Variants in DPP10 observed in about 807,000 individuals in gnomAD.
The protein encoded by DPP10 is dipeptidyl peptidase like 10.
Under a neutral mutation model 120.9 loss-of-function variants are expected in DPP10, and 33 were observed. The observed-to-expected ratio is 0.27, with a 90% CI of 0.21 to 0.37. The LOEUF (loss-of-function observed/expected upper bound fraction) is 0.37, where lower values mean the gene tolerates loss of function less well. Ranked by LOEUF, DPP10 falls within the 10% of genes least tolerant of loss-of-function variation. The probability of loss-of-function intolerance (pLI) is 1.00; values close to 1 mark genes in which losing one functional copy is unlikely to be tolerated. For missense variants in DPP10, 816 were observed against 942.8 expected (o/e 0.87, Z 1.76); for synonymous variants, 337 against 326.1 (o/e 1.03, Z -0.36).
chr2:115,380,977 C>A (rs1296000161), intron 3 of DPP10, among the ~76,000 whole-genome samples: 1 of 152,144 alleles, frequency 6.6e-6, no homozygotes, highest in Non-Finnish European at 1.5e-5. Flanking sequence ...TCTCTGGCTG[C>A]CCTTAACATT....
chr2:115,347,817 C>CT (rs2063785179), intron 3 of DPP10, among the ~76,000 whole-genome samples: 1 of 152,176 alleles, frequency 6.6e-6, no homozygotes, highest in African/African-American at 2.4e-5. Flanking sequence ...TGAACTCATC[C>CT]TTTTTTGTGG....
chr2:115,794,529 C>T (rs1420964361), intron 19 of DPP10, among the ~76,000 whole-genome samples: 2 of 152,078 alleles, frequency 1.3e-5, no homozygotes, highest in African/African-American at 2.4e-5. Flanking sequence ...AAAGAGTATG[C>T]GGGATGGAGT....
At chr2:114,450,621 C>T (rs576360957) in intron 1 of DPP10, among the ~76,000 whole-genome samples, 2 of 152,012 alleles carry the variant, frequency 1.3e-5, no homozygotes, top group Non-Finnish European at 2.9e-5. Flanking sequence ...AGAACTAAAC[C>T]TGTTACTTTG....
At chr2:115,651,704 A>T (rs144731350) in intron 5 of DPP10, among the ~76,000 whole-genome samples, 15 of 152,152 alleles carry the variant, frequency 9.9e-5, no homozygotes, top group African/African-American at 3.4e-4. Context: ...GGGACTGGAA[A>T]AGGAAAAGAT....
intron 1 of DPP10, among the ~76,000 whole-genome samples, chr2:115,231,643 A>T (rs916535108): frequency 6.6e-6 from 1 of 152,178 alleles, no homozygotes; most frequent in Admixed American, 6.5e-5. Flanking sequence ...CATCACTGGG[A>T]TGCAATGAAT....
chr2:115,077,612 G>T (rs975895438), intron 1 of DPP10, among the ~76,000 whole-genome samples: 1 of 152,140 alleles, frequency 6.6e-6, no homozygotes, highest in Non-Finnish European at 1.5e-5. Context: ...TCCTAAAGAG[G>T]TGAAATGCCT....
chr2:114,946,414 GTGAAAATATGTAACACTAC>G (rs1697350027), intron 1 of DPP10, among the ~76,000 whole-genome samples: 1 of 152,052 alleles, frequency 6.6e-6, no homozygotes, highest in African/African-American at 2.4e-5. Context: ...GTTTTACAAT[GTGAAAATATGTAACACTAC>G]TAATTTATAC....
At chr2:115,704,130 C>T (rs1427748575) in intron 7 of DPP10, among the ~76,000 whole-genome samples, 1 of 151,854 alleles carries the variant, frequency 6.6e-6, no homozygotes, top group East Asian at 1.9e-4. Context: ...GCCACTCCAG[C>T]ACAGAGCACA....
chr2:115,107,935 C>G (rs946980896), intron 1 of DPP10, among the ~76,000 whole-genome samples: 1 of 151,742 alleles, frequency 6.6e-6, no homozygotes, highest in Non-Finnish European at 1.5e-5. Flanking sequence ...TATTTTTTTC[C>G]AAATTCATGA....
Position 115,401,478 on chromosome 2 carries a change from G to A in DPP10, c.271+57566G>A, listed in dbSNP as rs1429130022. ...TGTGCCTGTAGTCCTAATTACTTGGGAGGTTGAAGTGGGAAGGTCACTTGA... is the reference window on the plus strand; with the variant it reads ...TGTGCCTGTAGTCCTAATTACTTGGAAGGTTGAAGTGGGAAGGTCACTTGA... On this transcript the variant is annotated intron_variant, in intron 3 of 25. Transcript: ENST00000410059. 2.6e-5 allele frequency among the ~76,000 whole-genome samples: 4 copies of A among 152,152 alleles called. No homozygotes were observed. The East Asian group carries it at 5.8e-4, about 22-fold the overall frequency.
At chr2:115,173,516 G>A (rs547299846) in intron 1 of DPP10, among the ~76,000 whole-genome samples, 7 of 152,196 alleles carry the variant, frequency 4.6e-5, no homozygotes, top group Non-Finnish European at 5.9e-5. Flanking sequence ...AAAAAATTAA[G>A]CAGATACCAT....
chr2:114,909,186 G>A (rs1694187766), intron 1 of DPP10, among the ~76,000 whole-genome samples: 1 of 151,858 alleles, frequency 6.6e-6, no homozygotes, highest in South Asian at 2.1e-4. Context: ...TCAGCTATGA[G>A]AACTTAGAAA....
At chr2:115,517,636 T>G (rs1419434478) in intron 4 of DPP10, among the ~76,000 whole-genome samples, 1 of 152,226 alleles carries the variant, frequency 6.6e-6, no homozygotes, top group Non-Finnish European at 1.5e-5. Flanking sequence ...ACCATATATT[T>G]ATTGTTTATC....
chr2:115,400,528 A>G (rs72840773), intron 3 of DPP10, among the ~76,000 whole-genome samples: 91 of 151,974 alleles, frequency 6.0e-4, no homozygotes, highest in Non-Finnish European at 1.1e-3. Context: ...CCTTATACCC[A>G]CCATAATATC....
intron 3 of DPP10, among the ~76,000 whole-genome samples, chr2:115,363,866 A>G (rs1340502986): frequency 1.3e-5 from 2 of 152,174 alleles, no homozygotes; most frequent in Admixed American, 6.6e-5. Flanking sequence ...TCATCGGGCC[A>G]ATAAGGTTTG....
chr2:115,791,257 A>G (rs1318455670), intron 18 of DPP10, 30 bp from the exon 19 acceptor site: 5 of 1,604,648 alleles, frequency 3.1e-6, no homozygotes, highest in Non-Finnish European at 4.3e-6. Context: ...ATGACTCTCC[A>G]TCTTTAATAT....
At chr2:115,395,556 A>T (rs1055788957) in intron 3 of DPP10, among the ~76,000 whole-genome samples, 1 of 152,108 alleles carries the variant, frequency 6.6e-6, no homozygotes, top group Non-Finnish European at 1.5e-5. Flanking sequence ...GTTTTACTTG[A>T]CTGATTAATG....
At chr2:114,840,473 C>G (rs1271211820) in intron 1 of DPP10, among the ~76,000 whole-genome samples, 1 of 152,066 alleles carries the variant, frequency 6.6e-6, no homozygotes, top group African/African-American at 2.4e-5. Flanking sequence ...CACTCTGCTC[C>G]TCTCCTGCGA....
At chr2:115,625,613 A>G (rs2085298159) in intron 5 of DPP10, among the ~76,000 whole-genome samples, 1 of 152,144 alleles carries the variant, frequency 6.6e-6, no homozygotes, top group Non-Finnish European at 1.5e-5. Context: ...ACTACAAAAA[A>G]TTATATCTGG....
Sources: allele counts gnomAD v4.1 joint callset (sites outside exome capture counted in the v4.1 genomes callset), GRCh38; gene constraint gnomAD v4.1.1; transcripts MANE v1.5; gene names NCBI Gene and HGNC (gene_info 2026-07-23, HGNC 2026-07-21).